Variants in RPH3AL observed in about 807,000 individuals in gnomAD.
RPH3AL encodes rab effector Noc2.
Under a neutral mutation model 43.1 loss-of-function variants are expected in RPH3AL, and 38 were observed. That is an observed-to-expected ratio of 0.88 (90% CI 0.68 to 1.15). RPH3AL has a LOEUF of 1.15. Among genes scored for constraint, RPH3AL ranks in the 50% most tolerant of loss-of-function variants. The pLI is 0.00. For synonymous variants in RPH3AL, 189 were observed against 176.3 expected (o/e 1.07, Z -0.57); for missense variants, 462 against 423.2 (o/e 1.09, Z -0.81).
At chr17:340,089 C>T (rs1337634433) in intron 1 of RPH3AL, among the ~76,000 whole-genome samples, 2 of 152,166 alleles carry the variant, frequency 1.3e-5, no homozygotes, top group South Asian at 2.1e-4. Context: ...ACTGCCTGAA[C>T]CAGGTGTCAC....
intron 5 of RPH3AL, among the ~76,000 whole-genome samples, chr17:315,197 C>T (rs1435605725): frequency 9.2e-6 from 1 of 108,458 alleles, no homozygotes; most frequent in Non-Finnish European, 2.0e-5. Context: ...TCCCTGTGCT[C>T]CACCTCCATT....
rs1326596746 is a variant in RPH3AL at position 264,411 on chromosome 17, T to C, written c.439-17126A>G. Among the ~76,000 whole-genome samples, 7 of 72,672 alleles carry C rather than the reference T, an allele frequency of 9.6e-5. No homozygotes were observed. The highest frequency in any genetic ancestry group is 2.0e-4 in the Non-Finnish European group (7 of 35,322). 47.7% of individuals were successfully genotyped at this position (72,672 alleles called of 152,430 possible). A position where few individuals can be genotyped will look rare whatever the true frequency, so the allele number is the denominator to read the frequency against. Reference sequence around the variant, plus strand: ...GATTACCCTTCGGAGCCGTGCGCGCTGGATGGGGACTCAGAATCTGCAGCA... The same window carrying C: ...GATTACCCTTCGGAGCCGTGCGCGCCGGATGGGGACTCAGAATCTGCAGCA... On this transcript the variant is annotated intron_variant, in intron 6 of 9. Coordinates refer to ENST00000331302, the MANE Select transcript of RPH3AL (RefSeq NM_006987.4). This position sits in a 1 kb window ranked among gnomAD's most constrained non-coding sequence, Gnocchi z 4.8.
intron 1 of RPH3AL, among the ~76,000 whole-genome samples, chr17:351,145 T>C (rs962114849): frequency 6.6e-6 from 1 of 152,036 alleles, no homozygotes; most frequent in African/African-American, 2.4e-5. Context: ...CTCTCCAACG[T>C]CTCTAGGCTG....
intron 1 of RPH3AL, among the ~76,000 whole-genome samples, chr17:350,655 G>A (rs2045336130): frequency 2.0e-5 from 3 of 152,242 alleles, no homozygotes; most frequent in South Asian, 4.1e-4. Flanking sequence ...TACCTAGCAG[G>A]CCCTCACAAA....
chr17:273,022 A>AGACCCCAGCGAGGGTGACGTCAGGG (rs2042536368), intron 6 of RPH3AL, among the ~76,000 whole-genome samples: 11 of 60,546 alleles, frequency 1.8e-4, no homozygotes, highest in African/African-American at 6.0e-4. Context: ...CGACATCAGG[A>AGACCCCAGCGAGGGTGACGTCAGGG]AGAGACCCCA....
chr17:317,072 G>T (rs796121165), intron 5 of RPH3AL, among the ~76,000 whole-genome samples: 4 of 131,156 alleles, frequency 3.0e-5, no homozygotes, highest in Non-Finnish European at 1.7e-5. Flanking sequence ...CCACTGACCT[G>T]TAGTCTCTGT....
At chr17:281,927 T>C in intron 5 of RPH3AL, 73 bp from the exon 6 acceptor site, 3 of 1,107,148 alleles carry the variant, frequency 2.7e-6, no homozygotes, top group Non-Finnish European at 4.2e-6. Context: ...CAGACAACTG[T>C]AACGAAGGGA....
At chr17:230,803 A>G (rs11150888) in intron 7 of RPH3AL, among the ~76,000 whole-genome samples, 92,241 of 152,024 alleles carry the variant, frequency 0.61, 28,277 homozygotes, top group African/African-American at 0.7. Context: ...TGGGGCCTTC[A>G]CTGTTCTTCC....
rs930261005 is a variant in RPH3AL, at chr17:319,022, G to C, written c.351+398C>G. Among the ~76,000 whole-genome samples the C allele has an allele frequency of 2.6e-5, 4 of 152,188 alleles. No individual in the cohort carries two copies. In the South Asian group the frequency reaches 8.3e-4, roughly 32 times the overall value. On this transcript the variant is annotated intron_variant, in intron 5 of 9. Coordinates refer to ENST00000331302, the MANE Select transcript of RPH3AL (RefSeq NM_006987.4). ...GGCAAGGTTTTAAGAGTTTTGCGTT[G>C]AAGAATATTTAATCCTCATAGCATG...
chr17:260,145 C>T (rs1214940200), intron 6 of RPH3AL, among the ~76,000 whole-genome samples: 1 of 152,220 alleles, frequency 6.6e-6, no homozygotes, highest in Non-Finnish European at 1.5e-5. Context: ...CGAGTCACAG[C>T]AGGGGACGGT....
Position 322,634 on chromosome 17 carries a change from G to A in RPH3AL, c.78-1219C>T, listed in dbSNP as rs1035088277. ...CTCTGGAAAGGCTCGCTTTCTTTAG[G>A]GAAGTGTCAGAAGGCAAGAGTCCTG... On this transcript the variant is annotated intron_variant, in intron 3 of 9. Coordinates refer to ENST00000331302, the MANE Select transcript of RPH3AL (RefSeq NM_006987.4). The surrounding 1 kb of genome is among the most constrained non-coding windows in gnomAD (Gnocchi z 4.0). Among the ~76,000 whole-genome samples the A allele has an allele frequency of 3.3e-5, 5 of 152,090 alleles. No individual in the cohort carries two copies. The highest frequency in any genetic ancestry group is 1.2e-4 in the African/African-American group (5 of 41,402).
intron 5 of RPH3AL, among the ~76,000 whole-genome samples, chr17:305,551 G>A (rs763907496): frequency 6.6e-6 from 1 of 152,144 alleles, no homozygotes; most frequent in Non-Finnish European, 1.5e-5. Flanking sequence ...CACACACACG[G>A]CAGGTGCCCA....
chr17:304,932 A>T (rs4990303), intron 5 of RPH3AL, among the ~76,000 whole-genome samples: 3 of 48,222 alleles, frequency 6.2e-5, no homozygotes, highest in Non-Finnish European at 9.5e-5. Flanking sequence ...GCACAGGGCG[A>T]GAGGGGGACA....
chr17:230,731 AC>A (rs1182826901), intron 7 of RPH3AL, among the ~76,000 whole-genome samples: 2 of 152,204 alleles, frequency 1.3e-5, no homozygotes, highest in Admixed American at 6.5e-5. Flanking sequence ...CCACGACTTC[AC>A]TGGGGTGCAG....
rs201664868 is a variant in RPH3AL, at chr17:249,916, C to CT, written c.439-2632dup. ...CCGTCACTGTGGGACCTCTCAGAGCCTTTACTAAGCTCCGTCGCTGCGGGA... is the reference window on the plus strand; with the variant it reads ...CCGTCACTGTGGGACCTCTCAGAGCCTTTTACTAAGCTCCGTCGCTGCGGGA... On this transcript the variant is annotated intron_variant, in intron 6 of 9. Transcript: ENST00000331302. Among the ~76,000 whole-genome samples the CT allele has an allele frequency of 1.7e-3, 252 of 147,610 alleles. 1 individual carries two copies. Among genetic ancestry groups the CT allele is most frequent in the African/African-American group, 6.1e-3 (245 of 39,896 alleles).
In RPH3AL at chr17:229,914, C is replaced by CCCCT. The variant is rs528187070; in HGVS notation, c.614-10182_614-10179dup. Among the ~76,000 whole-genome samples the CCCCT allele has an allele frequency of 7.9e-5, 12 of 152,276 alleles. No homozygotes were observed. The South Asian group carries it at 8.3e-4, about 11-fold the overall frequency. On this transcript the variant is annotated intron_variant, in intron 7 of 9. Transcript: ENST00000331302. ...GCAGCCAGAAGCAGCTCAGAGCCTG[C>CCCCT]CCCTCCCTCCCTCCCTCAGGGACCC... is the stretch of plus-strand genomic sequence containing the variant.
At chr17:244,210 A>ACCTCCCTCTATTGATTAC (rs2041684291) in intron 7 of RPH3AL, among the ~76,000 whole-genome samples, 1 of 126,612 alleles carries the variant, frequency 7.9e-6, no homozygotes, top group Non-Finnish European at 1.7e-5. Context: ...TCTATTGATC[A>ACCTCCCTCTATTGATTAC]CCTTCCTCTA....
intron 5 of RPH3AL, among the ~76,000 whole-genome samples, chr17:284,452 C>T (rs988760145): frequency 7.2e-5 from 11 of 152,154 alleles, no homozygotes; most frequent in Non-Finnish European, 1.2e-4. Context: ...GCTGATGGCT[C>T]TCAAAACAAT....
intron 7 of RPH3AL, among the ~76,000 whole-genome samples, chr17:244,323 G>C (rs781285472): frequency 2.2e-4 from 34 of 151,338 alleles, no homozygotes; most frequent in Non-Finnish European, 4.6e-4. Context: ...CAGGGCATGA[G>C]AAAGAAAATA....
Sources: allele counts gnomAD v4.1 joint callset (sites outside exome capture counted in the v4.1 genomes callset), GRCh38; gene constraint gnomAD v4.1.1; non-coding constraint Gnocchi (gnomAD v3.1); transcripts MANE v1.5; gene names NCBI Gene and HGNC (gene_info 2026-07-23, HGNC 2026-07-21).